ZNF654: variants seen among roughly 807,000 people sequenced by gnomAD.
ZNF654 encodes the protein zinc finger protein 654, also known as melanoma-associated antigen.
A neutral mutation model predicts 95.3 loss-of-function variants in ZNF654; 19 were observed. The observed-to-expected ratio is 0.20, with a 90% CI of 0.14 to 0.29. ZNF654 has a LOEUF of 0.29. Ranked by LOEUF, ZNF654 falls within the 10% of genes least tolerant of loss-of-function variation. ZNF654 has a pLI of 1.00. For synonymous variants in ZNF654, 413 were observed against 457.9 expected (o/e 0.90, Z 1.25); for missense variants, 1,046 against 1,341.0 (o/e 0.78, Z 3.44).
intron 3 of ZNF654, among the ~76,000 whole-genome samples, chr3:88,125,457 T>G (rs1576329834): frequency 6.6e-6 from 1 of 152,326 alleles, no homozygotes; most frequent in East Asian, 1.9e-4. Flanking sequence ...AGAAAATGTA[T>G]GGACAAATTC....
chr3:88,123,214 T>G (rs1241796221), intron 3 of ZNF654, among the ~76,000 whole-genome samples: 1 of 152,150 alleles, frequency 6.6e-6, no homozygotes, highest in Non-Finnish European at 1.5e-5. Context: ...TTGTTCTTTC[T>G]TCCTTTGTCT....
intron 1 of ZNF654, among the ~76,000 whole-genome samples, chr3:88,065,221 A>T (rs1707126698): frequency 6.6e-6 from 1 of 152,220 alleles, no homozygotes; most frequent in Non-Finnish European, 1.5e-5. Flanking sequence ...ATTAGGAAAA[A>T]ACAAAACAAA....
chr3:88,122,226 G>A (rs1164856068), intron 3 of ZNF654, among the ~76,000 whole-genome samples: 1 of 152,170 alleles, frequency 6.6e-6, no homozygotes, highest in East Asian at 1.9e-4. Flanking sequence ...AATGGCATAG[G>A]TAAGAAAAGA....
At chr3:88,077,846 T>G (rs1395423106) in intron 1 of ZNF654, among the ~76,000 whole-genome samples, 1 of 152,214 alleles carries the variant, frequency 6.6e-6, no homozygotes, top group Non-Finnish European at 1.5e-5. Context: ...AAACCAAGGT[T>G]GTTTTTTAGT....
At position 88,141,748 on chromosome 3, in the gene ZNF654, T is replaced by A; in HGVS notation, c.*96T>A. 1.0e-6 allele frequency: 1 copy of A among 974,790 alleles called. No individual in the cohort carries two copies. Among genetic ancestry groups the A allele is most frequent in the Non-Finnish European group, 1.5e-6 (1 of 677,294 alleles). The allele number at this position is 974,790 out of a possible 1,614,324, so 60.4% of individuals were successfully genotyped here. A position where few individuals can be genotyped will look rare whatever the true frequency, so the allele number is the denominator to read the frequency against. On this transcript the variant is annotated 3_prime_UTR_variant, in exon 9 of 9. Coordinates refer to ENST00000636215, the MANE Select transcript of ZNF654 (RefSeq NM_001350134.2). ...CAGTTTGCTATTTCCCTGATGGCCT[T>A]AATTTTAGAGTGGTCTTGGATTACT...
At chr3:88,128,788 T>A in intron 4 of ZNF654, 21 bp from the exon 5 acceptor site, 1 of 1,484,136 alleles carries the variant, frequency 6.7e-7, no homozygotes, top group Middle Eastern at 2.1e-4. Context: ...AGTAATAGAG[T>A]CTGTTTTCTT....
intron 6 of ZNF654, among the ~76,000 whole-genome samples, chr3:88,132,841 G>C (rs1706546589): frequency 6.6e-6 from 1 of 152,192 alleles, no homozygotes; most frequent in Non-Finnish European, 1.5e-5. Context: ...CATACAGCTA[G>C]TAAGAAATGG....
intron 2 of ZNF654, among the ~76,000 whole-genome samples, chr3:88,096,360 G>T (rs1293924608): frequency 1.3e-5 from 2 of 152,040 alleles, no homozygotes; most frequent in African/African-American, 4.8e-5. Flanking sequence ...AAGCAGCACC[G>T]ATTTGTGTGA....
chr3:88,119,366 C>T (rs1306828582), intron 3 of ZNF654, among the ~76,000 whole-genome samples: 4 of 76,474 alleles, frequency 5.2e-5, no homozygotes, highest in African/African-American at 1.9e-4. Flanking sequence ...AGGGGAACAT[C>T]ACACTCTGGG....
At position 88,142,749 on chromosome 3, in the gene ZNF654, T is replaced by C. The variant is rs1707192790; in HGVS notation, c.*1097T>C. 1 of 152,334 alleles carries C rather than the reference T, an allele frequency of 6.6e-6. No individual in the cohort carries two copies. Among genetic ancestry groups the C allele is most frequent in the Admixed American group, 6.6e-5 (1 of 15,244 alleles). The allele number at this position is 152,334 out of a possible 1,614,324, so 9.4% of individuals were successfully genotyped here. On this transcript the variant is annotated 3_prime_UTR_variant, in exon 9 of 9. Transcript: ENST00000636215. Reference sequence around the variant, plus strand: ...TTTTTTAATTCATTAGTGATGACTCTGGTCTGAACAGTAATTTTTATATGT... The same window carrying C: ...TTTTTTAATTCATTAGTGATGACTCCGGTCTGAACAGTAATTTTTATATGT...
intron 2 of ZNF654, among the ~76,000 whole-genome samples, chr3:88,106,817 C>CT (rs1224110219): frequency 6.6e-6 from 1 of 151,342 alleles, no homozygotes; most frequent in East Asian, 1.9e-4. Context: ...ATTTTTTTTT[C>CT]TGATATTTGT....
At chr3:88,109,983 A>G (rs1314721458) in intron 2 of ZNF654, among the ~76,000 whole-genome samples, 1 of 152,166 alleles carries the variant, frequency 6.6e-6, no homozygotes, top group Non-Finnish European at 1.5e-5. Flanking sequence ...TTACATTTCA[A>G]CAAAATTGAC....
intron 1 of ZNF654, among the ~76,000 whole-genome samples, chr3:88,071,415 C>T (rs572348350): frequency 7.2e-5 from 11 of 152,124 alleles, no homozygotes; most frequent in Non-Finnish European, 1.3e-4. Context: ...GAGGCTGAGG[C>T]GGGCGGATCA....
chr3:88,098,157 C>T (rs1284436610), intron 2 of ZNF654, among the ~76,000 whole-genome samples: 4 of 151,994 alleles, frequency 2.6e-5, no homozygotes, highest in African/African-American at 7.2e-5. Flanking sequence ...ATATCACCAC[C>T]GATCCCACAA....
chr3:88,103,801 C>T (rs1704574733), intron 2 of ZNF654, among the ~76,000 whole-genome samples: 1 of 126,762 alleles, frequency 7.9e-6, no homozygotes, highest in Admixed American at 9.3e-5. Flanking sequence ...GAGTCTTGCT[C>T]TGTCTCCCAG....
intron 1 of ZNF654, among the ~76,000 whole-genome samples, chr3:88,070,440 TA>T (rs1284272358): frequency 2.6e-5 from 4 of 152,138 alleles, no homozygotes; most frequent in East Asian, 1.9e-4. Flanking sequence ...TTTTTTTTTT[TA>T]ATCAGATTCT....
chr3:88,082,425 T>C (rs1482553882), intron 1 of ZNF654, among the ~76,000 whole-genome samples: 3 of 152,208 alleles, frequency 2.0e-5, no homozygotes, highest in African/African-American at 7.2e-5. Context: ...ACACCTGGCC[T>C]GTGAATCAGT....
At chr3:88,107,401 A>T (rs1704808345) in intron 2 of ZNF654, among the ~76,000 whole-genome samples, 1 of 152,154 alleles carries the variant, frequency 6.6e-6, no homozygotes, top group South Asian at 2.1e-4. Flanking sequence ...TTTTGTAAAC[A>T]ATCTATATCT....
chr3:88,120,716 G>A (rs1705716167), intron 3 of ZNF654, among the ~76,000 whole-genome samples: 1 of 152,178 alleles, frequency 6.6e-6, no homozygotes, highest in Middle Eastern at 3.4e-3. Flanking sequence ...TTACGCACAT[G>A]TACTCATACT....
Sources: gnomAD v4.1 joint callset for allele counts (sites outside exome capture counted in the v4.1 genomes callset) on GRCh38, gnomAD v4.1.1 for gene constraint, MANE v1.5 for transcripts, NCBI Gene and HGNC (gene_info 2026-07-23, HGNC 2026-07-21) for gene names.